Variants in TCF7L2 observed in about 807,000 individuals in gnomAD.
The protein encoded by TCF7L2 is transcription factor 7-like 2.
Under a neutral mutation model 77.9 loss-of-function variants are expected in TCF7L2, and 23 were observed. The ratio of observed to expected loss-of-function variants is 0.30; its 90% CI spans 0.21 to 0.42. The LOEUF is 0.42. Among genes scored for constraint, TCF7L2 ranks in the 10% least tolerant of loss-of-function variants. The pLI, the probability that TCF7L2 is intolerant of heterozygous loss-of-function variation, is 1.00. For synonymous variants in TCF7L2, 413 were observed against 340.2 expected (o/e 1.21, Z -2.36); for missense variants, 654 against 793.1 (o/e 0.82, Z 2.11).
At chr10:113,090,152 A>C (rs2060226552) in intron 5 of TCF7L2, among the ~76,000 whole-genome samples, 1 of 152,242 alleles carries the variant, frequency 6.6e-6, no homozygotes, top group African/African-American at 2.4e-5. Context: ...TGGGAGTAAC[A>C]GTTCTCTTCA....
intron 5 of TCF7L2, among the ~76,000 whole-genome samples, chr10:113,048,976 G>A (rs2053927542): frequency 6.6e-6 from 1 of 152,096 alleles, no homozygotes; most frequent in Non-Finnish European, 1.5e-5. Flanking sequence ...CATAGAAGGA[G>A]AAAACAACTG....
chr10:113,162,041 T>G (rs1197699681), intron 13 of TCF7L2, among the ~76,000 whole-genome samples: 1 of 152,100 alleles, frequency 6.6e-6, no homozygotes, highest in East Asian at 1.9e-4. Context: ...TGTGACAAAG[T>G]TGATGGAGGA....
At chr10:112,988,346 G>T (rs61329995) in intron 4 of TCF7L2, among the ~76,000 whole-genome samples, 1 of 152,198 alleles carries the variant, frequency 6.6e-6, no homozygotes, top group African/African-American at 2.4e-5. Flanking sequence ...TGATCCACCC[G>T]CCTTAGCCTC....
rs779476217 is a variant in TCF7L2, at chr10:113,141,246, G to C, written c.615G>C (p.Thr205=). The change falls in exon 6 of 14, where the codon ACG becomes ACC. Residue 205 remains threonine, a synonymous_variant. Coordinates refer to ENST00000627217, the MANE Select transcript of TCF7L2 (RefSeq NM_001146274.2). ...TCCACCCCCTCACGCCTCTTATCAC[G>C]TACAGCAATGAACACTTCACGCCGG... The C allele has an allele frequency of 1.2e-6, 2 of 1,614,000 alleles. No individual in the cohort carries two copies. The highest frequency in any genetic ancestry group is 2.2e-5 in the East Asian group (1 of 44,890).
At chr10:113,006,742 G>A (rs2045617568) in intron 4 of TCF7L2, among the ~76,000 whole-genome samples, 1 of 152,212 alleles carries the variant, frequency 6.6e-6, no homozygotes, top group African/African-American at 2.4e-5. Context: ...ACTCCCAAAT[G>A]GAAATGTGTT....
At chr10:113,104,464 G>A (rs2062023706) in intron 5 of TCF7L2, among the ~76,000 whole-genome samples, 2 of 152,048 alleles carry the variant, frequency 1.3e-5, no homozygotes, top group Non-Finnish European at 2.9e-5. Flanking sequence ...AGAAGCACTG[G>A]GGGAAAAGTC....
chr10:113,161,675 A>G, intron 13 of TCF7L2: 1 of 1,499,964 alleles, frequency 6.7e-7, no homozygotes. Context: ...CCTCCCCTTC[A>G]TGACTTTGCC....
chr10:113,161,505 G>C, intron 13 of TCF7L2: 1 of 1,485,918 alleles, frequency 6.7e-7, no homozygotes, highest in Non-Finnish European at 9.1e-7. Context: ...ATACCGACTA[G>C]CTCCTGTCTC....
intron 5 of TCF7L2, among the ~76,000 whole-genome samples, chr10:113,072,334 G>A (rs536267798): frequency 6.9e-4 from 105 of 151,340 alleles, no homozygotes; most frequent in African/African-American, 2.3e-3. Flanking sequence ...GATTACTGGC[G>A]TGAGTCACCG....
At chr10:113,099,419 C>T (rs1031093894) in intron 5 of TCF7L2, among the ~76,000 whole-genome samples, 10 of 152,140 alleles carry the variant, frequency 6.6e-5, no homozygotes, top group African/African-American at 2.4e-4. Context: ...TAGATGAAAC[C>T]AGGAATGGCA....
intron 5 of TCF7L2, among the ~76,000 whole-genome samples, chr10:113,070,157 G>A (rs1399537694): frequency 2.6e-5 from 4 of 151,674 alleles, no homozygotes; most frequent in Non-Finnish European, 2.9e-5. Flanking sequence ...TCGGGAGGCT[G>A]AGGCAGGAGA....
intron 5 of TCF7L2, among the ~76,000 whole-genome samples, chr10:113,076,319 G>A (rs887725541): frequency 4.0e-5 from 6 of 151,888 alleles, no homozygotes; most frequent in African/African-American, 1.2e-4. Context: ...TTTATTTTTT[G>A]TAGAGACAGG....
intron 3 of TCF7L2, among the ~76,000 whole-genome samples, chr10:112,958,041 C>A (rs2034128328): frequency 6.6e-6 from 1 of 152,194 alleles, no homozygotes; most frequent in African/African-American, 2.4e-5. Flanking sequence ...CAGAAACTTA[C>A]TAGCCCTCAG....
intron 4 of TCF7L2, among the ~76,000 whole-genome samples, chr10:112,996,880 T>A (rs1235622674): frequency 6.6e-6 from 1 of 152,234 alleles, no homozygotes; most frequent in Non-Finnish European, 1.5e-5. Context: ...CTTCTGGGAC[T>A]GCAGGGAGAC....
At chr10:113,034,383 G>A (rs148882434) in intron 4 of TCF7L2, among the ~76,000 whole-genome samples, 54 of 152,276 alleles carry the variant, frequency 3.5e-4, no homozygotes, top group Admixed American at 1.8e-3. Flanking sequence ...TGAATGGCCC[G>A]TGGTGAGGCT....
At chr10:113,158,179 G>T in intron 12 of TCF7L2, 110 bp downstream of exon 12, 1 of 1,164,366 alleles carries the variant, frequency 8.6e-7, no homozygotes, top group Non-Finnish European at 1.2e-6. Context: ...AGGACATTGT[G>T]GGGGAACCCT....
chr10:113,049,343 C>T (rs1021307250), intron 5 of TCF7L2, among the ~76,000 whole-genome samples: 1 of 152,046 alleles, frequency 6.6e-6, no homozygotes, highest in Non-Finnish European at 1.5e-5. Context: ...CTCAGTAAAG[C>T]TCAACAACAT....
intron 4 of TCF7L2, among the ~76,000 whole-genome samples, chr10:113,021,428 A>G (rs763622431): frequency 3.3e-5 from 5 of 152,216 alleles, no homozygotes; most frequent in Non-Finnish European, 7.3e-5. Flanking sequence ...ACTTCCTGAC[A>G]TTATTGCCCA....
At chr10:113,010,739 C>T (rs763892850) in intron 4 of TCF7L2, among the ~76,000 whole-genome samples, 3 of 152,294 alleles carry the variant, frequency 2.0e-5, no homozygotes, top group East Asian at 1.9e-4. Context: ...TTAGGCTGGG[C>T]GTGGTGGCTC....
Sources: gnomAD v4.1 joint callset for allele counts (sites outside exome capture counted in the v4.1 genomes callset) on GRCh38, gnomAD v4.1.1 for gene constraint, MANE v1.5 for transcripts, NCBI Gene and HGNC (gene_info 2026-07-23, HGNC 2026-07-21) for gene names.